The following ACSBG1 variants were observed in gnomAD, a reference collection of about 807,000 sequenced individuals.
ACSBG1 encodes the protein long-chain-fatty-acid--CoA ligase ACSBG1.
ACSBG1 carries 39 observed loss-of-function variants against 80.2 expected under a neutral mutation model. That is an observed-to-expected ratio of 0.49 (90% CI 0.38 to 0.64). The LOEUF is 0.64. Among genes scored for constraint, ACSBG1 ranks in the 30% least tolerant of loss-of-function variants. ACSBG1 has a pLI of 0.00. For missense variants in ACSBG1, 828 were observed against 966.4 expected (o/e 0.86, Z 1.90); for synonymous variants, 392 against 379.5 (o/e 1.03, Z -0.38).
At chr15:78,216,185 C>T (rs772005572) in intron 1 of ACSBG1, among the ~76,000 whole-genome samples, 1 of 152,164 alleles carries the variant, frequency 6.6e-6, no homozygotes, top group Non-Finnish European at 1.5e-5. Flanking sequence ...ATCCTCCTTC[C>T]TTCTATGAGT....
intron 5 of ACSBG1, among the ~76,000 whole-genome samples, chr15:78,183,394 T>C (rs1051550665): frequency 5.9e-5 from 9 of 152,026 alleles, no homozygotes; most frequent in Non-Finnish European, 1.0e-4. Flanking sequence ...CTGGTCAACA[T>C]GGTGAAACCC....
rs530923652 is a variant in ACSBG1 at position 78,194,160 on chromosome 15, G to A, written c.454-140C>T. The A allele has an allele frequency of 1.7e-4, 138 of 804,668 alleles. No homozygotes were observed. In the South Asian group the frequency reaches 2.1e-3, roughly 12 times the overall value. The allele number at this position is 804,668 out of a possible 1,614,324, so 49.8% of individuals were successfully genotyped here. A position where few individuals can be genotyped will look rare whatever the true frequency, so the allele number is the denominator to read the frequency against. ...TCCCCTCAGTCAGAGAATCCCCTTG[G>A]AGGAGAAGGGGTTGGTCACTCAACA... On this transcript the variant is annotated intron_variant, in intron 3 of 13. Coordinates refer to ENST00000258873, the MANE Select transcript of ACSBG1 (RefSeq NM_015162.5).
intron 2 of ACSBG1, chr15:78,207,772 TGAA>T (rs1468612825): frequency 1.3e-5 from 7 of 545,560 alleles, no homozygotes; most frequent in Non-Finnish European, 2.3e-5. Flanking sequence ...CCAGCTTTCT[TGAA>T]GAAGAAATCT....
chr15:78,224,581 C>T (rs113862251), intron 1 of ACSBG1, among the ~76,000 whole-genome samples: 1,801 of 152,132 alleles, frequency 0.012, 27 homozygotes, highest in Admixed American at 0.046. Flanking sequence ...ATTAGCCAGG[C>T]GTGGTGGCAG....
In ACSBG1 at chr15:78,217,566, ATTT is replaced by A. The variant is rs11302425; in HGVS notation, c.132-9467_132-9465del. Among the ~76,000 whole-genome samples the A allele has an allele frequency of 2.9e-3, 409 of 139,138 alleles. 5 individuals carry two copies. Among genetic ancestry groups the A allele is most frequent in the African/African-American group, 9.0e-3 (340 of 37,744 alleles). 91.3% of individuals were successfully genotyped at this position (139,138 alleles called of 152,430 possible). A position where few individuals can be genotyped will look rare whatever the true frequency, so the allele number is the denominator to read the frequency against. ...TTCATCATCAGACCCTTTTGGAAAA[ATTT>A]TTTTTTTTTTTTTTGAGATGGAGTC... is the stretch of plus-strand genomic sequence containing the variant. On this transcript the variant is annotated intron_variant, in intron 1 of 13. Transcript: ENST00000258873.
chr15:78,199,282 G>A (rs4887015), intron 2 of ACSBG1, among the ~76,000 whole-genome samples: 1 of 151,862 alleles, frequency 6.6e-6, no homozygotes, highest in East Asian at 2.0e-4. Context: ...GTGGGGGTTA[G>A]CCATGTTGCC....
At chr15:78,175,206 G>A (rs745448218) in intron 11 of ACSBG1, among the ~76,000 whole-genome samples, 1 of 152,230 alleles carries the variant, frequency 6.6e-6, no homozygotes, top group Non-Finnish European at 1.5e-5. Context: ...CTAGCCTGCT[G>A]TTGTCTGATA....
chr15:78,229,023 TC>T (rs1244987470), intron 1 of ACSBG1, among the ~76,000 whole-genome samples: 6 of 152,238 alleles, frequency 3.9e-5, no homozygotes, highest in African/African-American at 1.4e-4. Context: ...CATAAAATTT[TC>T]CATTTGAAAT....
intron 5 of ACSBG1, among the ~76,000 whole-genome samples, chr15:78,192,171 C>A (rs188761909): frequency 6.6e-6 from 1 of 152,202 alleles, no homozygotes; most frequent in Admixed American, 6.5e-5. Flanking sequence ...CCAGCCAACC[C>A]CAGAAGCCAC....
intron 2 of ACSBG1, among the ~76,000 whole-genome samples, chr15:78,206,826 G>A (rs371725843): frequency 3.3e-5 from 5 of 152,322 alleles, no homozygotes; most frequent in South Asian, 2.1e-4. Flanking sequence ...TTTCTCCCTC[G>A]GGATGCCAGA....
chr15:78,207,917 T>TCCCCCCCCCCCCCCC, intron 2 of ACSBG1, 85 bp downstream of exon 2: 10 of 876,058 alleles, frequency 1.1e-5, no homozygotes, highest in Admixed American at 4.1e-5. Context: ...TGTGTGGTGG[T>TCCCCCCCCCCCCCCC]CCCCCACACC....
At chr15:78,221,302 G>T (rs537594156) in intron 1 of ACSBG1, among the ~76,000 whole-genome samples, 1 of 152,208 alleles carries the variant, frequency 6.6e-6, no homozygotes, top group South Asian at 2.1e-4. Context: ...GTGGGGAGAA[G>T]ATCAGCAAGG....
intron 5 of ACSBG1, among the ~76,000 whole-genome samples, chr15:78,184,446 G>A (rs1008336218): frequency 2.0e-5 from 3 of 152,014 alleles, no homozygotes; most frequent in Non-Finnish European, 2.9e-5. Context: ...GCCTCCCAAA[G>A]TGCTGGGATT....
intron 3 of ACSBG1, 150 bp downstream of exon 3, chr15:78,194,356 G>T (rs1283658472): frequency 1.4e-6 from 1 of 725,090 alleles, no homozygotes; most frequent in African/African-American, 1.8e-5. Flanking sequence ...GCCCAGCATG[G>T]AGTATCAGCC....
chr15:78,223,290 G>T (rs1209668916), intron 1 of ACSBG1, among the ~76,000 whole-genome samples: 1 of 150,210 alleles, frequency 6.7e-6, no homozygotes, highest in East Asian at 1.9e-4. Context: ...GGGGTGGGGT[G>T]GGGGGAGAAA....
At chr15:78,222,608 G>A (rs946504932) in intron 1 of ACSBG1, among the ~76,000 whole-genome samples, 1 of 152,206 alleles carries the variant, frequency 6.6e-6, no homozygotes, top group Non-Finnish European at 1.5e-5. Context: ...CCAGGTTTAT[G>A]CAACTTCACT....
intron 1 of ACSBG1, among the ~76,000 whole-genome samples, chr15:78,218,501 G>A (rs933402929): frequency 1.3e-5 from 2 of 152,334 alleles, no homozygotes; most frequent in African/African-American, 4.8e-5. Context: ...ACACAGAGCA[G>A]AAGGAGCCTG....
chr15:78,188,120 G>A (rs1377182450), intron 5 of ACSBG1, among the ~76,000 whole-genome samples: 1 of 152,204 alleles, frequency 6.6e-6, no homozygotes, highest in Non-Finnish European at 1.5e-5. Context: ...ACTTACAAGG[G>A]ACGTGAAGGA....
At chr15:78,226,146 C>T (rs1227263537) in intron 1 of ACSBG1, among the ~76,000 whole-genome samples, 2 of 152,206 alleles carry the variant, frequency 1.3e-5, no homozygotes, top group East Asian at 3.8e-4. Flanking sequence ...TGTAATTATA[C>T]ACTTTTAGTT....
Sources: allele counts gnomAD v4.1 joint callset (sites outside exome capture counted in the v4.1 genomes callset), GRCh38; gene constraint gnomAD v4.1.1; transcripts MANE v1.5; gene names NCBI Gene and HGNC (gene_info 2026-07-23, HGNC 2026-07-21).